The following ZNF71 variants were observed in gnomAD, a reference collection of about 807,000 sequenced individuals.
ZNF71 encodes zinc finger protein 71.
Under a neutral mutation model 6.7 loss-of-function variants are expected in ZNF71, and 3 were observed. That is an observed-to-expected ratio of 0.45 (90% CI 0.20 to 1.16). The LOEUF is 1.16. ZNF71 is among the 50% of genes most tolerant of loss of function. The probability of loss-of-function intolerance (pLI) is 0.25; values close to 1 mark genes in which losing one functional copy is unlikely to be tolerated. For missense variants in ZNF71, 688 were observed against 728.6 expected (o/e 0.94, Z 0.64); for synonymous variants, 343 against 311.1 (o/e 1.10, Z -1.08).
At position 56,621,915 on chromosome 19, in the gene ZNF71, G is replaced by A. The variant is rs1165564747; in HGVS notation, c.808G>A (p.Gly270Ser). 3.1e-6 allele frequency: 5 copies of A among 1,613,448 alleles called. No individual in the cohort carries two copies. Among genetic ancestry groups the A allele is most frequent in the South Asian group, 1.1e-5 (1 of 91,056 alleles). The change falls in exon 4 of 4, where the codon GGC becomes AGC. Residue 270 changes from glycine to serine, a missense_variant. Transcript: ENST00000599599. ...CACTGTGCACCAGCGCACGCACACG[G>A]GCGAGAAGCCGTATGTGTGCGACGT... ...NLTVHQRTHT[G>S]EKPYVCDVCG...
intron 1 of ZNF71, among the ~76,000 whole-genome samples, chr19:56,599,353 A>G (rs2044649447): frequency 6.6e-6 from 1 of 152,018 alleles, no homozygotes; most frequent in African/African-American, 2.4e-5. Context: ...TTTTAATTTA[A>G]ATCAACTTAG....
chr19:56,596,164 G>A (rs1293541582), intron 1 of ZNF71, among the ~76,000 whole-genome samples: 1 of 152,034 alleles, frequency 6.6e-6, no homozygotes, highest in African/African-American at 2.4e-5. Context: ...GTGGGAGGGT[G>A]CCCTCTGGGT....
chr19:56,621,198 C>T, intron 3 of ZNF71, 70 bp from the exon 4 acceptor site: 1 of 1,471,312 alleles, frequency 6.8e-7, no homozygotes, highest in Non-Finnish European at 9.1e-7. Context: ...CTCCTTCCTG[C>T]TGTGGAGCTT....
At position 56,623,096 on chromosome 19, in the gene ZNF71, GTT is replaced by G; in HGVS notation, c.*341_*342del. On this transcript the variant is annotated 3_prime_UTR_variant, in exon 4 of 4. Transcript: ENST00000599599. The stretch of plus-strand genomic sequence containing the variant: ...AGGTCACGCCTGCCTCCACATCTCT[GTT>G]TCTTCAGCGGGAAAGTGGAGCTGGT... The G allele has an allele frequency of 3.4e-6, 1 of 290,164 alleles. No homozygotes were observed. Among genetic ancestry groups the G allele is most frequent in the Non-Finnish European group, 6.9e-6 (1 of 145,524 alleles). 18.0% of individuals were successfully genotyped at this position (290,164 alleles called of 1,614,324 possible). A position where few individuals can be genotyped will look rare whatever the true frequency, so the allele number is the denominator to read the frequency against.
In ZNF71 at chr19:56,622,618, G is replaced by T. The variant is rs779200920; in HGVS notation, c.1511G>T (p.Gly504Val). 1 of 1,613,704 alleles carries T rather than the reference G, an allele frequency of 6.2e-7. No individual in the cohort carries two copies. The highest frequency in any genetic ancestry group is 8.5e-7 in the Non-Finnish European group (1 of 1,179,666). The change falls in exon 4 of 4, where the codon GGG (glycine) becomes GTG (valine). Residue 504 changes from glycine (G) to valine (V), a missense_variant. Coordinates refer to ENST00000599599, the MANE Select transcript of ZNF71 (RefSeq NM_001370215.1). ...AAGCCGTACAGGTGCGGCCAGTGCG[G>T]GAAGTCCTTCATCAAGAACTCCTCC... ...GEKPYRCGQC[G>V]KSFIKNSSLT...
rs562627527 is a variant in ZNF71 at position 56,621,887 on chromosome 19, C to A, written c.780C>A (p.Asn260Lys). 6 of 1,611,774 alleles carry A rather than the reference C, an allele frequency of 3.7e-6. No individual in the cohort carries two copies. Among genetic ancestry groups the A allele is most frequent in the South Asian group, 3.3e-5 (3 of 91,060 alleles). ...GCAAGGCCTTCAGCCAGCGCATGAA[C>A]CTCACTGTGCACCAGCGCACGCACA... ...DCGKAFSQRM[N>K]LTVHQRTHTG... Residue 260 changes from asparagine (N) to lysine (K), a missense_variant, in exon 4 of 4, where the codon AAC becomes AAA. Physicochemically the swap from Asn to Lys is moderately conservative, Grantham distance 94. Coordinates refer to ENST00000599599, the MANE Select transcript of ZNF71 (RefSeq NM_001370215.1).
In ZNF71 at chr19:56,623,495, T is replaced by C. The variant is rs1192851008; in HGVS notation, c.*738T>C. On this transcript the variant is annotated 3_prime_UTR_variant, in exon 4 of 4. Coordinates refer to ENST00000599599, the MANE Select transcript of ZNF71 (RefSeq NM_001370215.1). ...GTCTGGTCAAAATCGGCTTCAGTGA[T>C]TGTGGGAGGGGCAAGAAGGAAAAGA... 2 of 167,070 alleles carry C rather than the reference T, an allele frequency of 1.2e-5. No individual in the cohort carries two copies. Among genetic ancestry groups the C allele is most frequent in the East Asian group, 3.9e-4 (2 of 5,194 alleles). 10.3% of individuals were successfully genotyped at this position (167,070 alleles called of 1,614,324 possible).
At chr19:56,596,179 A>G (rs1389969523) in intron 1 of ZNF71, among the ~76,000 whole-genome samples, 1 of 151,694 alleles carries the variant, frequency 6.6e-6, no homozygotes, top group African/African-American at 2.4e-5. Context: ...CTGGGTGTCC[A>G]CTATGTCTGC....
intron 2 of ZNF71, among the ~76,000 whole-genome samples, chr19:56,606,442 C>T (rs2044710698): frequency 6.6e-6 from 1 of 152,156 alleles, no homozygotes; most frequent in Non-Finnish European, 1.5e-5. Flanking sequence ...AGTTAAATTT[C>T]CGATCCAGTT....
rs2044848461 is a variant in ZNF71 at position 56,621,543 on chromosome 19, T to C, written c.436T>C (p.Cys146Arg). ...HELKAFANQG[C>R]VLVPPRLDDP... ...ACTGAAGGCATTTGCCAACCAAGGC[T>C]GTGTCCTGGTCCCACCACGGCTGGA... is the stretch of plus-strand genomic sequence containing the variant. Residue 146 changes from cysteine to arginine, a missense_variant, in exon 4 of 4, where the codon TGT becomes CGT. Cys to Arg is a radical substitution (Grantham distance 180, BLOSUM62 -3). Coordinates refer to ENST00000599599, the MANE Select transcript of ZNF71 (RefSeq NM_001370215.1). 1 of 1,614,224 alleles carries C rather than the reference T, an allele frequency of 6.2e-7. No homozygotes were observed. Among genetic ancestry groups the C allele is most frequent in the Non-Finnish European group, 8.5e-7 (1 of 1,180,038 alleles).
rs1380060110 is a variant in ZNF71, at chr19:56,621,322, A to G, written c.215A>G (p.Glu72Gly). ...TTGGATCCAAAGAATGACATTTCGG[A>G]AGACAAGCTCTCCGTTGTTGGGGAG... ...KELDPKNDISEDKLSVVGEAT... is the reference protein window; with the variant it reads ...KELDPKNDISGDKLSVVGEAT... The change falls in exon 4 of 4, where the codon GAA becomes GGA. Residue 72 changes from glutamate to glycine, a missense_variant. Physicochemically the swap from Glu to Gly is moderately conservative, Grantham distance 98 (BLOSUM62 -2). Coordinates refer to ENST00000599599, the MANE Select transcript of ZNF71 (RefSeq NM_001370215.1). The G allele has an allele frequency of 3.3e-6, 5 of 1,527,612 alleles. No individual in the cohort carries two copies. The South Asian group carries it at 6.5e-5, about 20-fold the overall frequency. 94.6% of individuals were successfully genotyped at this position (1,527,612 alleles called of 1,614,324 possible).
intron 3 of ZNF71, among the ~76,000 whole-genome samples, chr19:56,619,967 G>A (rs2044830402): frequency 6.6e-6 from 1 of 152,184 alleles, no homozygotes; most frequent in South Asian, 2.1e-4. Flanking sequence ...GAAGCTGTGG[G>A]CACAGAGGTA....
intron 2 of ZNF71, among the ~76,000 whole-genome samples, chr19:56,606,187 A>G (rs1274243760): frequency 6.6e-6 from 1 of 152,198 alleles, no homozygotes; most frequent in Non-Finnish European, 1.5e-5. Context: ...CCTGGTGCCA[A>G]TACCATGTCT....
At position 56,622,598 on chromosome 19, in the gene ZNF71, G is replaced by T. The variant is rs757210340; in HGVS notation, c.1491G>T (p.Pro497=). 8.1e-6 allele frequency: 13 copies of T among 1,613,424 alleles called. No individual in the cohort carries two copies. The South Asian group carries it at 1.1e-4, about 14-fold the overall frequency. ...AGCGGATCCACACCGGCGAGAAGCC[G>T]TACAGGTGCGGCCAGTGCGGGAAGT... ...EHQRIHTGEK[P]YRCGQCGKSF... is the part of the protein sequence containing the mutation. Residue 497 remains proline (P), a synonymous_variant, in exon 4 of 4, where the codon CCG becomes CCT. Coordinates refer to ENST00000599599, the MANE Select transcript of ZNF71 (RefSeq NM_001370215.1).
At position 56,613,698 on chromosome 19, in the gene ZNF71, C is replaced by A; in HGVS notation, c.34-114C>A. 1.1e-6 allele frequency: 1 copy of A among 872,838 alleles called. No individual in the cohort carries two copies. The highest frequency in any genetic ancestry group is 1.4e-6 in the Non-Finnish European group (1 of 713,534). 54.1% of individuals were successfully genotyped at this position (872,838 alleles called of 1,614,324 possible). On this transcript the variant is annotated intron_variant, in intron 2 of 3. Transcript: ENST00000599599. The surrounding 1 kb of genome is among the most constrained non-coding windows in gnomAD (Gnocchi z 4.6). Reference sequence around the variant, plus strand: ...TTAGAACTCTGCATCTTATTGAAATCACTTCAGCTACATCCCATCTGCCTC... The same window carrying A: ...TTAGAACTCTGCATCTTATTGAAATAACTTCAGCTACATCCCATCTGCCTC...
chr19:56,595,853 T>TTTGTG lies in ZNF71; in HGVS notation c.-53+426_-53+427insTGTGT, dbSNP rs2044617325. Among the ~76,000 whole-genome samples, 9 of 137,600 alleles carry TTTGTG rather than the reference T, an allele frequency of 6.5e-5. No individual in the cohort carries two copies. The South Asian group carries it at 2.2e-3, about 34-fold the overall frequency. 90.3% of individuals were successfully genotyped at this position (137,600 alleles called of 152,430 possible). ...GGATATTGTGATTGTGTGTGTGTGTTTGTGTGTGTGTGTGTGTGTGTGTGT... is the reference window on the plus strand; with the variant it reads ...GGATATTGTGATTGTGTGTGTGTGTTTTGTGTGTGTGTGTGTGTGTGTGTGTGTGT... On this transcript the variant is annotated intron_variant, in intron 1 of 3. Transcript: ENST00000599599.
chr19:56,608,990 GTTGTCCAAAGAC>G (rs1671931076), intron 2 of ZNF71, among the ~76,000 whole-genome samples: 1 of 152,158 alleles, frequency 6.6e-6, no homozygotes, highest in African/African-American at 2.4e-5. Context: ...GGATGTTATG[GTTGTCCAAAGAC>G]TTGCCCATAT....
chr19:56,605,824 A>T (rs2044706692), intron 2 of ZNF71, among the ~76,000 whole-genome samples: 1 of 152,234 alleles, frequency 6.6e-6, no homozygotes, highest in African/African-American at 2.4e-5. Context: ...TCTTCTTTAT[A>T]GGCAAAAGAC....
chr19:56,598,065 G>A lies in ZNF71; in HGVS notation c.-53+2637G>A, dbSNP rs1019471827. Reference sequence around the variant, plus strand: ...TCATCCCTGCTCCCTGGGGGCTTCTGTTCTCATGGAGGGAAGACAGATGAC... The same window carrying A: ...TCATCCCTGCTCCCTGGGGGCTTCTATTCTCATGGAGGGAAGACAGATGAC... On this transcript the variant is annotated intron_variant, in intron 1 of 3. Transcript: ENST00000599599. The surrounding 1 kb of genome is among the most constrained non-coding windows in gnomAD (Gnocchi z 4.2). 1.3e-5 allele frequency among the ~76,000 whole-genome samples: 2 copies of A among 152,198 alleles called. No individual in the cohort carries two copies. Among genetic ancestry groups the A allele is most frequent in the African/African-American group, 2.4e-5 (1 of 41,452 alleles).
Sources: allele counts gnomAD v4.1 joint callset (sites outside exome capture counted in the v4.1 genomes callset), GRCh38; gene constraint gnomAD v4.1.1; non-coding constraint Gnocchi (gnomAD v3.1); transcripts MANE v1.5; gene names NCBI Gene and HGNC (gene_info 2026-07-23, HGNC 2026-07-21).